Variants in GRIN2A observed in about 807,000 individuals in gnomAD.
GRIN2A encodes the protein glutamate receptor ionotropic, NMDA 2A.
A neutral mutation model predicts 113.4 loss-of-function variants in GRIN2A; 22 were observed. The observed-to-expected ratio is 0.19, with a 90% CI of 0.14 to 0.28. The LOEUF (loss-of-function observed/expected upper bound fraction) is 0.28. Ranked by LOEUF, GRIN2A falls within the 10% of genes least tolerant of loss-of-function variation. The pLI, the probability that GRIN2A is intolerant of heterozygous loss-of-function variation, is 1.00. For synonymous variants in GRIN2A, 827 were observed against 738.4 expected (o/e 1.12, Z -1.94); for missense variants, 1,502 against 1,887.0 (o/e 0.80, Z 3.78).
At chr16:9,788,740 CTTTT>C (rs748774026) in intron 11 of GRIN2A, among the ~76,000 whole-genome samples, 1 of 104,864 alleles carries the variant, frequency 9.5e-6, no homozygotes, top group Non-Finnish European at 1.9e-5. Context: ...TTTAAGTCTT[CTTTT>C]TTTTTTTTTT....
intron 5 of GRIN2A, among the ~76,000 whole-genome samples, chr16:9,845,014 C>A (rs2042746965): frequency 6.6e-6 from 1 of 152,156 alleles, no homozygotes; most frequent in Non-Finnish European, 1.5e-5. Flanking sequence ...AACTGATCAG[C>A]CTTCCTCAAA....
At chr16:9,968,150 G>A (rs1295258597) in intron 2 of GRIN2A, among the ~76,000 whole-genome samples, 1 of 152,004 alleles carries the variant, frequency 6.6e-6, no homozygotes, top group African/African-American at 2.4e-5. Flanking sequence ...ATAGATACAA[G>A]TTAATCTCCC....
intron 10 of GRIN2A, among the ~76,000 whole-genome samples, chr16:9,816,109 AG>A (rs967684929): frequency 1.3e-5 from 2 of 152,184 alleles, no homozygotes; most frequent in African/African-American, 4.8e-5. Flanking sequence ...GCTAGGGAAA[AG>A]GGGGTTGAGG....
intron 2 of GRIN2A, among the ~76,000 whole-genome samples, chr16:9,998,441 G>A (rs1010842310): frequency 6.6e-6 from 1 of 152,152 alleles, no homozygotes; most frequent in African/African-American, 2.4e-5. Flanking sequence ...TTCATTTGGA[G>A]TCATGAAAAT....
At chr16:9,771,083 C>T (rs1901243466) in intron 11 of GRIN2A, among the ~76,000 whole-genome samples, 1 of 152,174 alleles carries the variant, frequency 6.6e-6, no homozygotes, top group African/African-American at 2.4e-5. Flanking sequence ...GTCCTCACCA[C>T]CCTTTTCATT....
At chr16:10,088,305 C>T (rs2048119587) in intron 2 of GRIN2A, among the ~76,000 whole-genome samples, 1 of 152,178 alleles carries the variant, frequency 6.6e-6, no homozygotes, top group Non-Finnish European at 1.5e-5. Context: ...GTCATGTCAA[C>T]TGTCACTGAG....
chr16:10,108,898 G>A (rs2048552018), intron 2 of GRIN2A, among the ~76,000 whole-genome samples: 1 of 151,874 alleles, frequency 6.6e-6, no homozygotes, highest in African/African-American at 2.4e-5. Flanking sequence ...CAAGAGAAAG[G>A]TGAAGCCACC....
intron 2 of GRIN2A, among the ~76,000 whole-genome samples, chr16:10,025,216 T>C (rs1043989576): frequency 1.3e-5 from 2 of 151,792 alleles, no homozygotes; most frequent in African/African-American, 2.4e-5. Flanking sequence ...ACTATCATGC[T>C]TATAGGAAAC....
At chr16:9,914,094 G>C (rs73502649) in intron 3 of GRIN2A, among the ~76,000 whole-genome samples, 3 of 149,022 alleles carry the variant, frequency 2.0e-5, no homozygotes, top group African/African-American at 7.5e-5. Context: ...ATCATTCTTG[G>C]TTAAAAAAAA....
intron 4 of GRIN2A, among the ~76,000 whole-genome samples, chr16:9,857,641 G>A (rs756424385): frequency 2.6e-5 from 4 of 152,120 alleles, no homozygotes; most frequent in East Asian, 1.9e-4. Flanking sequence ...ATTTGCCTCA[G>A]TTTCATCACC....
chr16:10,081,973 G>A (rs1050692947), intron 2 of GRIN2A, among the ~76,000 whole-genome samples: 25 of 152,206 alleles, frequency 1.6e-4, no homozygotes, highest in African/African-American at 5.8e-4. Flanking sequence ...CTTCCAAAAT[G>A]TGTCAACTTA....
intron 11 of GRIN2A, among the ~76,000 whole-genome samples, chr16:9,789,192 A>G (rs1902435483): frequency 6.6e-6 from 1 of 152,266 alleles, no homozygotes; most frequent in African/African-American, 2.4e-5. Flanking sequence ...GGGTTTCAAT[A>G]AAACTTCATT....
intron 2 of GRIN2A, among the ~76,000 whole-genome samples, chr16:10,101,397 G>A (rs1201621344): frequency 6.6e-6 from 1 of 152,222 alleles, no homozygotes; most frequent in African/African-American, 2.4e-5. Flanking sequence ...AACCAGGTAA[G>A]TTAAGTAACT....
chr16:10,108,329 G>A (rs895983640), intron 2 of GRIN2A, among the ~76,000 whole-genome samples: 9 of 152,146 alleles, frequency 5.9e-5, no homozygotes, highest in Non-Finnish European at 1.0e-4. Context: ...TCACTATTGT[G>A]AGAACAGCAT....
chr16:10,154,458 G>A (rs369022302), intron 2 of GRIN2A, among the ~76,000 whole-genome samples: 76 of 152,132 alleles, frequency 5.0e-4, no homozygotes, highest in African/African-American at 1.5e-3. Context: ...TATATTTACC[G>A]TGTTTATATT....
intron 4 of GRIN2A, 72 bp from the exon 5 acceptor site, chr16:9,850,033 C>T (rs2042856021): frequency 1.6e-6 from 2 of 1,270,846 alleles, no homozygotes; most frequent in African/African-American, 2.9e-5. Flanking sequence ...AATCCTTTCC[C>T]TGCCAGAGAC....
At chr16:10,029,556 G>A (rs1008718692) in intron 2 of GRIN2A, among the ~76,000 whole-genome samples, 2 of 152,164 alleles carry the variant, frequency 1.3e-5, no homozygotes, top group Non-Finnish European at 2.9e-5. Context: ...ACAGTAAACA[G>A]TAAAACATAA....
At chr16:9,841,771 T>C (rs557750192) in intron 5 of GRIN2A, among the ~76,000 whole-genome samples, 1 of 152,264 alleles carries the variant, frequency 6.6e-6, no homozygotes, top group African/African-American at 2.4e-5. Flanking sequence ...ACATGTAGTA[T>C]AAAAGGAGAC....
chr16:9,840,963 G>A lies in GRIN2A; in HGVS notation c.1470C>T (p.Asn490=), dbSNP rs1298144955. Residue 490 remains asparagine, a synonymous_variant, in exon 6 of 13, where the codon AAC becomes AAT. Transcript: ENST00000330684. ...VTNGKHGKKV[N]NVWNGMIGEV... Reference sequence around the variant, plus strand: ...CACCGATCATTCCATTCCACACATTGTTAACTTTCTTGCCATGCTTCCCAT... The same window carrying A: ...CACCGATCATTCCATTCCACACATTATTAACTTTCTTGCCATGCTTCCCAT... The A allele has an allele frequency of 2.5e-6, 4 of 1,613,890 alleles. No homozygotes were observed. Among genetic ancestry groups the A allele is most frequent in the Non-Finnish European group, 3.4e-6 (4 of 1,179,892 alleles).
Sources: gnomAD v4.1 joint callset for allele counts (sites outside exome capture counted in the v4.1 genomes callset) on GRCh38, gnomAD v4.1.1 for gene constraint, MANE v1.5 for transcripts, NCBI Gene and HGNC (gene_info 2026-07-23, HGNC 2026-07-21) for gene names.